LARP1B: variants seen among roughly 807,000 people sequenced by gnomAD.
LARP1B encodes La ribonucleoprotein 1B.
In LARP1B, 76 loss-of-function variants were observed where a neutral mutation model predicts 114.2. The observed-to-expected ratio is 0.67, with a 90% CI of 0.55 to 0.81. The LOEUF is 0.81. Among genes scored for constraint, LARP1B ranks in the 30% least tolerant of loss-of-function variants. The pLI is 0.00. For missense variants in LARP1B, 1,014 were observed against 1,075.8 expected (o/e 0.94, Z 0.80); for synonymous variants, 345 against 348.0 (o/e 0.99, Z 0.10).
At chr4:128,146,271 A>G (rs543086760) in intron 11 of LARP1B, among the ~76,000 whole-genome samples, 14 of 152,310 alleles carry the variant, frequency 9.2e-5, no homozygotes, top group African/African-American at 3.4e-4. Flanking sequence ...ATACAGTGGT[A>G]TGGTATTTAA....
chr4:128,088,714 G>A (rs1414225341), intron 5 of LARP1B, among the ~76,000 whole-genome samples: 1 of 152,182 alleles, frequency 6.6e-6, no homozygotes, highest in African/African-American at 2.4e-5. Context: ...GCTTCACATA[G>A]TAAATTTTTA....
Position 128,074,465 on chromosome 4 carries a change from G to A in LARP1B, c.-72G>A, listed in dbSNP as rs575620479. 2 of 849,200 alleles carry A rather than the reference G, an allele frequency of 2.4e-6. No individual in the cohort carries two copies. The highest frequency in any genetic ancestry group is 5.5e-5 in the South Asian group (1 of 18,082). 52.6% of individuals were successfully genotyped at this position (849,200 alleles called of 1,614,324 possible). On this transcript the variant is annotated 5_prime_UTR_variant, in exon 2 of 20. Transcript: ENST00000326639. ...ATTCTATATATTTTCTTTAGAATTC[G>A]GTTCCCTCAAAATTATAAAGGCAGG...
chr4:128,100,305 CTCTG>C (rs1779845715), intron 8 of LARP1B, among the ~76,000 whole-genome samples: 1 of 147,680 alleles, frequency 6.8e-6, no homozygotes, highest in African/African-American at 2.5e-5. Context: ...CAGAGTCTCT[CTCTG>C]TCGCCCATGC....
intron 9 of LARP1B, among the ~76,000 whole-genome samples, chr4:128,109,411 G>A (rs894336535): frequency 1.3e-5 from 2 of 152,106 alleles, no homozygotes; most frequent in African/African-American, 4.8e-5. Context: ...TCATCAAAGA[G>A]ATTAAAATTT....
intron 12 of LARP1B, among the ~76,000 whole-genome samples, chr4:128,166,962 CTCTCTCTCTATATATA>C (rs1163477461): frequency 2.9e-5 from 3 of 102,000 alleles, no homozygotes; most frequent in South Asian, 3.2e-4. Context: ...CTCTCTCTCT[CTCTCTCTCTATATATA>C]TATATATATA....
chr4:128,104,038 C>T (rs967141827), intron 8 of LARP1B, among the ~76,000 whole-genome samples: 8 of 147,982 alleles, frequency 5.4e-5, no homozygotes, highest in African/African-American at 2.0e-4. Context: ...GATGGAGTCT[C>T]ATGATCTGCC....
At chr4:128,166,637 G>A (rs1417571097) in intron 12 of LARP1B, among the ~76,000 whole-genome samples, 1 of 151,516 alleles carries the variant, frequency 6.6e-6, no homozygotes, top group Non-Finnish European at 1.5e-5. Flanking sequence ...AATGTTATTA[G>A]CTATGGCCCT....
At chr4:128,152,720 A>G (rs187997801) in intron 11 of LARP1B, among the ~76,000 whole-genome samples, 2 of 151,840 alleles carry the variant, frequency 1.3e-5, no homozygotes, top group East Asian at 3.9e-4. Flanking sequence ...GGACTCCAAC[A>G]TGGATTTCTA....
At chr4:128,097,300 TTTTTG>T (rs1336080158) in intron 7 of LARP1B, among the ~76,000 whole-genome samples, 2 of 152,158 alleles carry the variant, frequency 1.3e-5, no homozygotes, top group East Asian at 1.9e-4. Flanking sequence ...CACTAAGTTT[TTTTTG>T]TTTTGTTTTG....
intron 5 of LARP1B, among the ~76,000 whole-genome samples, chr4:128,089,286 T>C (rs969071050): frequency 6.6e-6 from 1 of 152,204 alleles, no homozygotes; most frequent in Non-Finnish European, 1.5e-5. Flanking sequence ...TATTCCAAGT[T>C]GATTTTCAAA....
chr4:128,197,445 CAGCACTTTGGG>C (rs1754557715), intron 15 of LARP1B, among the ~76,000 whole-genome samples: 1 of 152,166 alleles, frequency 6.6e-6, no homozygotes, highest in African/African-American at 2.4e-5. Context: ...CCTGTAATCC[CAGCACTTTGGG>C]AGGCCGAGGC....
chr4:128,221,388 G>A (rs1439567716), intron 7 of LARP1B, among the ~76,000 whole-genome samples: 1 of 152,142 alleles, frequency 6.6e-6, no homozygotes, highest in Non-Finnish European at 1.5e-5. Flanking sequence ...TTAATTGATA[G>A]GAATCAATTC....
In LARP1B at chr4:128,200,539, T is replaced by A. The variant is rs776574417; in HGVS notation, c.2183T>A (p.Ile728Asn). Reference sequence around the variant, plus strand: ...TTTTCAGAGAGAAAACGCTTGGGAATTGGTCAGTCCCAAGAAATGAATACC... The same window carrying A: ...TTTTCAGAGAGAAAACGCTTGGGAAATGGTCAGTCCCAAGAAATGAATACC... ...RCLSERKRLGIGQSQEMNTLF... is the reference protein window; with the variant it reads ...RCLSERKRLGNGQSQEMNTLF... The change falls in exon 17 of 20, where the codon ATT (isoleucine) becomes AAT (asparagine). Residue 728 changes from isoleucine (I) to asparagine (N), a missense_variant. Physicochemically the swap from Ile to Asn is moderately radical, Grantham distance 149. Transcript: ENST00000326639. 4.7e-6 allele frequency: 7 copies of A among 1,504,770 alleles called. No individual in the cohort carries two copies. 93.2% of individuals were successfully genotyped at this position (1,504,770 alleles called of 1,614,324 possible). A position where few individuals can be genotyped will look rare whatever the true frequency, so the allele number is the denominator to read the frequency against.
At chr4:128,149,658 A>G (rs1450231856) in intron 11 of LARP1B, among the ~76,000 whole-genome samples, 1 of 152,222 alleles carries the variant, frequency 6.6e-6, no homozygotes, top group Non-Finnish European at 1.5e-5. Context: ...GAGTTGATTC[A>G]TGGTGTCTAT....
In LARP1B at chr4:128,211,528, AAT is replaced by A; in HGVS notation, c.*1477_*1478del. 3 of 914,704 alleles carry A rather than the reference AAT, an allele frequency of 3.3e-6. No homozygotes were observed. The highest frequency in any genetic ancestry group is 3.9e-6 in the Non-Finnish European group (3 of 765,574). 56.7% of individuals were successfully genotyped at this position (914,704 alleles called of 1,614,324 possible). A position where few individuals can be genotyped will look rare whatever the true frequency, so the allele number is the denominator to read the frequency against. Reference sequence around the variant, plus strand: ...TCATTTTGATGCTTTAAATTGCAGAAATAGTCAAATTTGAATATTCAGAAAAT... The same window carrying A: ...TCATTTTGATGCTTTAAATTGCAGAAAGTCAAATTTGAATATTCAGAAAAT... On this transcript the variant is annotated 3_prime_UTR_variant, in exon 20 of 20. Transcript: ENST00000326639.
intron 11 of LARP1B, among the ~76,000 whole-genome samples, chr4:128,134,357 C>G (rs1405541805): frequency 6.6e-6 from 1 of 152,112 alleles, no homozygotes; most frequent in Non-Finnish European, 1.5e-5. Flanking sequence ...AAAGGATAAT[C>G]TCTTCAACAA....
Position 128,088,034 on chromosome 4 carries a change from A to G in LARP1B, c.359-2967A>G, listed in dbSNP as rs564809502. Among the ~76,000 whole-genome samples, 3 of 151,838 alleles carry G rather than the reference A, an allele frequency of 2.0e-5. No individual in the cohort carries two copies. In the East Asian group the frequency reaches 5.8e-4, roughly 29 times the overall value. ...AAAATAGACAAAGTTATACAGAACA[A>G]CAATATAATGAGCTGAGTATGGTGG... On this transcript the variant is annotated intron_variant, in intron 5 of 19. Transcript: ENST00000326639.
In LARP1B at chr4:128,202,149, G is replaced by A. The variant is rs985448055; in HGVS notation, c.2309+1484G>A. ...TTACTGATATCTCTAATCAATCCCA[G>A]TTATGTTTTATGTTCTTTCTTACCA... On this transcript the variant is annotated intron_variant, in intron 17 of 19. Coordinates refer to ENST00000326639, the MANE Select transcript of LARP1B (RefSeq NM_018078.4). Among the ~76,000 whole-genome samples, 7 of 152,080 alleles carry A rather than the reference G, an allele frequency of 4.6e-5. 1 individual carries two copies. Among genetic ancestry groups the A allele is most frequent in the Admixed American group, 1.3e-4 (2 of 15,266 alleles).
chr4:128,080,883 TG>T (rs1286538973), intron 4 of LARP1B, among the ~76,000 whole-genome samples: 3 of 152,112 alleles, frequency 2.0e-5, no homozygotes, highest in East Asian at 1.9e-4. Flanking sequence ...GTAAAAATCC[TG>T]GGTAAATTAA....
Sources: allele counts gnomAD v4.1 joint callset (sites outside exome capture counted in the v4.1 genomes callset), GRCh38; gene constraint gnomAD v4.1.1; transcripts MANE v1.5; gene names NCBI Gene and HGNC (gene_info 2026-07-23, HGNC 2026-07-21).